Variants in GALNT15 observed in about 807,000 individuals in gnomAD.
The protein encoded by GALNT15 is polypeptide N-acetylgalactosaminyltransferase 15.
Under a neutral mutation model 66.8 loss-of-function variants are expected in GALNT15, and 67 were observed. The ratio of observed to expected loss-of-function variants is 1.00; its 90% CI spans 0.82 to 1.23. The LOEUF (loss-of-function observed/expected upper bound fraction) is 1.23. GALNT15 is among the 50% of genes most tolerant of loss of function. The pLI is 0.00. For synonymous variants in GALNT15, 313 were observed against 311.5 expected (o/e 1.00, Z -0.05); for missense variants, 827 against 804.3 (o/e 1.03, Z -0.34).
chr3:16,175,342 C>G lies in GALNT15; in HGVS notation c.191C>G (p.Ser64Cys). The G allele has an allele frequency of 5.6e-6, 9 of 1,614,152 alleles. No individual in the cohort carries two copies. The highest frequency in any genetic ancestry group is 7.6e-6 in the Non-Finnish European group (9 of 1,180,026). The change falls in exon 1 of 10, where the codon TCC becomes TGC. Residue 64 changes from serine to cysteine, a missense_variant. Physicochemically the swap from Ser to Cys is moderately radical, Grantham distance 112 (BLOSUM62 -1). Coordinates refer to ENST00000339732, the MANE Select transcript of GALNT15 (RefSeq NM_054110.5). The surrounding 1 kb of genome is among the most constrained non-coding windows in gnomAD (Gnocchi z 5.6). Reference sequence around the variant, plus strand: ...AGGTACCGCCTGGACTTTGGGGAATCCCAGGATTGGGTACTGGAAGCTGAG... The same window carrying G: ...AGGTACCGCCTGGACTTTGGGGAATGCCAGGATTGGGTACTGGAAGCTGAG... ...EARYRLDFGE[S>C]QDWVLEAEDE... is the part of the protein sequence containing the mutation.
At position 16,180,280 on chromosome 3, in the gene GALNT15, G is replaced by A. The variant is rs952290600; in HGVS notation, c.539+4590G>A. ...TAAGGCACACTCTTTATGCCGAACA[G>A]ACTGGCCAGAGCAGTGCTCCTCAAA... On this transcript the variant is annotated intron_variant, in intron 1 of 9. Coordinates refer to ENST00000339732, the MANE Select transcript of GALNT15 (RefSeq NM_054110.5). The surrounding 1 kb of genome is among the most constrained non-coding windows in gnomAD (Gnocchi z 5.0). 6.6e-6 allele frequency among the ~76,000 whole-genome samples: 1 copy of A among 152,240 alleles called. No homozygotes were observed. Among genetic ancestry groups the A allele is most frequent in the African/African-American group, 2.4e-5 (1 of 41,464 alleles).
intron 1 of GALNT15, among the ~76,000 whole-genome samples, chr3:16,190,995 C>T (rs1382482557): frequency 6.6e-6 from 1 of 152,222 alleles, no homozygotes; most frequent in Non-Finnish European, 1.5e-5. Flanking sequence ...AGACCTGCCT[C>T]CACAGCTTGG....
Position 16,208,512 on chromosome 3 carries a change from G to T in GALNT15, c.921G>T (p.Val307=), listed in dbSNP as rs774250982. The T allele has an allele frequency of 6.2e-7, 1 of 1,613,794 alleles. No homozygotes were observed. The highest frequency in any genetic ancestry group is 8.5e-7 in the Non-Finnish European group (1 of 1,179,846). ...LSRIAGDRSR[V]VSPVIDVIDW... is the part of the protein sequence containing the mutation. ...CCACAATTCTTTCCAGGAGCCGAGT[G>T]GTATCTCCGGTGATAGATGTGATTG... The change falls in exon 4 of 10, where the codon GTG becomes GTT. Residue 307 remains valine, a synonymous_variant. Coordinates refer to ENST00000339732, the MANE Select transcript of GALNT15 (RefSeq NM_054110.5).
chr3:16,189,221 G>T lies in GALNT15; in HGVS notation c.540-6539G>T, dbSNP rs2063550264. 6.6e-6 allele frequency among the ~76,000 whole-genome samples: 1 copy of T among 152,142 alleles called. No individual in the cohort carries two copies. The highest frequency in any genetic ancestry group is 2.1e-4 in the South Asian group (1 of 4,828). ...TCTAGGGAGATTAGGTCCAACAGGG[G>T]ATCTAGCTGAACTCCAATCACCCAC... On this transcript the variant is annotated intron_variant, in intron 1 of 9. Coordinates refer to ENST00000339732, the MANE Select transcript of GALNT15 (RefSeq NM_054110.5). The surrounding 1 kb of genome is among the most constrained non-coding windows in gnomAD (Gnocchi z 5.1).
At position 16,191,326 on chromosome 3, in the gene GALNT15, T is replaced by C. The variant is rs908740583; in HGVS notation, c.540-4434T>C. 1.0e-6 allele frequency: 1 copy of C among 985,244 alleles called. No individual in the cohort carries two copies. 61.0% of individuals were successfully genotyped at this position (985,244 alleles called of 1,614,324 possible). ...CTGGAAGAGCCTGAGAGGTACCTCT[T>C]GTAGTAATGGGACATCTGTTAATAA... On this transcript the variant is annotated intron_variant, in intron 1 of 9. Transcript: ENST00000339732. The surrounding 1 kb of genome is among the most constrained non-coding windows in gnomAD (Gnocchi z 5.2).
rs890149205 is a variant in GALNT15, at chr3:16,196,017, T to C, written c.706+91T>C. The stretch of plus-strand genomic sequence containing the variant: ...GCAAAAGATTGAAGTTTGGAACTAT[T>C]TTAGGCAAGATTCCCCAACTACAGA... On this transcript the variant is annotated intron_variant, in intron 2 of 9. Coordinates refer to ENST00000339732, the MANE Select transcript of GALNT15 (RefSeq NM_054110.5). 4.5e-6 allele frequency: 6 copies of C among 1,343,938 alleles called. No homozygotes were observed. The Admixed American group carries it at 1.2e-4, about 28-fold the overall frequency. 83.3% of individuals were successfully genotyped at this position (1,343,938 alleles called of 1,614,324 possible).
Position 16,195,766 on chromosome 3 carries a change from G to C in GALNT15, c.546G>C (p.Leu182=), listed in dbSNP as rs776638229. The C allele has an allele frequency of 9.9e-6, 16 of 1,611,564 alleles. No individual in the cohort carries two copies. The highest frequency in any genetic ancestry group is 1.3e-5 in the Non-Finnish European group (15 of 1,178,348). The change falls in exon 2 of 10, where the codon CTG becomes CTC. Residue 182 remains leucine (L), a synonymous_variant. Coordinates refer to ENST00000339732, the MANE Select transcript of GALNT15 (RefSeq NM_054110.5). This position sits in a 1 kb window ranked among gnomAD's most constrained non-coding sequence, Gnocchi z 4.6. The part of the protein sequence containing the change: ...ALPEVRHPLC[L]QQHPQDSLPT... ...CTGGCTCTCTTCCCTGCAGGTGTCT[G>C]CAGCAGCACCCTCAGGACAGCCTGC...
rs1164976010 is a variant in GALNT15, at chr3:16,203,543, T to TCACACACACA, written c.911+2757_911+2766dup. Among the ~76,000 whole-genome samples the TCACACACACA allele has an allele frequency of 1.3e-3, 77 of 61,154 alleles. No individual in the cohort carries two copies. Among genetic ancestry groups the TCACACACACA allele is most frequent in the African/African-American group, 3.1e-3 (57 of 18,310 alleles). 40.1% of individuals were successfully genotyped at this position (61,154 alleles called of 152,430 possible). A position where few individuals can be genotyped will look rare whatever the true frequency, so the allele number is the denominator to read the frequency against. ...CATTCTCTCTCTCTCTCTCTCTCTCTCACACACACACACACACACACACAC... is the reference window on the plus strand; with the variant it reads ...CATTCTCTCTCTCTCTCTCTCTCTCTCACACACACACACACACACACACACACACACACAC... On this transcript the variant is annotated intron_variant, in intron 3 of 9. Coordinates refer to ENST00000339732, the MANE Select transcript of GALNT15 (RefSeq NM_054110.5). This position sits in a 1 kb window ranked among gnomAD's most constrained non-coding sequence, Gnocchi z 6.2.
At chr3:16,201,142 T>G (rs1365917737) in intron 3 of GALNT15, among the ~76,000 whole-genome samples, 2 of 151,986 alleles carry the variant, frequency 1.3e-5, no homozygotes, top group Non-Finnish European at 2.9e-5. Flanking sequence ...TATCATTGCC[T>G]TTGGTGAAAA....
At chr3:16,230,301 C>T (rs2064069870), downstream of GALNT15, among the ~76,000 whole-genome samples, 1 of 152,164 alleles carries the variant, frequency 6.6e-6, no homozygotes, top group Non-Finnish European at 1.5e-5. The surrounding 1 kb of genome is among the most constrained non-coding windows in gnomAD (Gnocchi z 4.5). Flanking sequence ...AGTGCCTGAC[C>T]TGTTTCCTCT....
chr3:16,232,897 A>T (rs923903267), downstream of GALNT15, among the ~76,000 whole-genome samples: 3 of 151,732 alleles, frequency 2.0e-5, no homozygotes, highest in Non-Finnish European at 2.9e-5. Context: ...CTCCTAGGCA[A>T]TGCTGATGCT....
chr3:16,246,544 G>C, the GALNT15 span, among the ~76,000 whole-genome samples: 1 of 151,928 alleles, frequency 6.6e-6, no homozygotes, highest in Non-Finnish European at 1.5e-5. Context: ...GGATGGTCTC[G>C]ATCTCTTGAC....
At chr3:16,238,577 A>T in the GALNT15 span, among the ~76,000 whole-genome samples, 1 of 152,116 alleles carries the variant, frequency 6.6e-6, no homozygotes, top group African/African-American at 2.4e-5. This position sits in a 1 kb window ranked among gnomAD's most constrained non-coding sequence, Gnocchi z 4.8. Context: ...TCCGTTTTAT[A>T]TTATCTCATT....
the GALNT15 span, among the ~76,000 whole-genome samples, chr3:16,238,905 T>C: frequency 6.6e-6 from 1 of 152,210 alleles, no homozygotes. The surrounding 1 kb of genome is among the most constrained non-coding windows in gnomAD (Gnocchi z 4.8). Flanking sequence ...ACTTTAGTCA[T>C]CTCACATGCC....
Position 16,229,394 on chromosome 3 carries a change from A to G in GALNT15, c.*1894A>G. 1.2e-6 allele frequency: 1 copy of G among 833,416 alleles called. No homozygotes were observed. Among genetic ancestry groups the G allele is most frequent in the Non-Finnish European group, 1.4e-6 (1 of 691,508 alleles). The allele number at this position is 833,416 out of a possible 1,614,324, so 51.6% of individuals were successfully genotyped here. A position where few individuals can be genotyped will look rare whatever the true frequency, so the allele number is the denominator to read the frequency against. ...GCCACATTTCAAATGCTCACTACCC[A>G]CCTGTGGCTAGGGTCTACTTCTACT... is the stretch of plus-strand genomic sequence containing the variant. On this transcript the variant is annotated 3_prime_UTR_variant, in exon 10 of 10. Coordinates refer to ENST00000339732, the MANE Select transcript of GALNT15 (RefSeq NM_054110.5).
chr3:16,228,510 G>T lies in GALNT15; in HGVS notation c.*1010G>T, dbSNP rs562555598. Reference sequence around the variant, plus strand: ...ACAAAAATTAGCTGGGCATGGTGGCGCATACCTGTAATCCCAGCTACTTGG... The same window carrying T: ...ACAAAAATTAGCTGGGCATGGTGGCTCATACCTGTAATCCCAGCTACTTGG... On this transcript the variant is annotated 3_prime_UTR_variant, in exon 10 of 10. Coordinates refer to ENST00000339732, the MANE Select transcript of GALNT15 (RefSeq NM_054110.5). 7 of 545,196 alleles carry T rather than the reference G, an allele frequency of 1.3e-5. No individual in the cohort carries two copies. The highest frequency in any genetic ancestry group is 1.6e-5 in the Non-Finnish European group (7 of 428,184). 33.8% of individuals were successfully genotyped at this position (545,196 alleles called of 1,614,324 possible).
intron 3 of GALNT15, among the ~76,000 whole-genome samples, chr3:16,201,282 C>T (rs1245998294): frequency 1.3e-5 from 2 of 152,136 alleles, no homozygotes; most frequent in South Asian, 2.1e-4. Flanking sequence ...CCCGGGTTCA[C>T]GCCATTCTCC....
rs753068969 is a variant in GALNT15 at position 16,200,571 on chromosome 3, C to T, written c.707-48C>T. 25 of 1,380,210 alleles carry T rather than the reference C, an allele frequency of 1.8e-5. No individual in the cohort carries two copies. Among genetic ancestry groups the T allele is most frequent in the South Asian group, 1.4e-4 (9 of 66,158 alleles). The allele number at this position is 1,380,210 out of a possible 1,614,324, so 85.5% of individuals were successfully genotyped here. A position where few individuals can be genotyped will look rare whatever the true frequency, so the allele number is the denominator to read the frequency against. On this transcript the variant is annotated intron_variant, in intron 2 of 9. Coordinates refer to ENST00000339732, the MANE Select transcript of GALNT15 (RefSeq NM_054110.5). The surrounding 1 kb of genome is among the most constrained non-coding windows in gnomAD (Gnocchi z 4.4). The stretch of plus-strand genomic sequence containing the variant: ...ACGATTGTCTTAGTCACAATCTCAT[C>T]GGTTGTGGCATTTGTCATTCCACTG...
At position 16,219,083 on chromosome 3, in the gene GALNT15, T is replaced by C. The variant is rs557721592; in HGVS notation, c.1393-320T>C. 1.3e-5 allele frequency among the ~76,000 whole-genome samples: 2 copies of C among 152,318 alleles called. No individual in the cohort carries two copies. The highest frequency in any genetic ancestry group is 3.9e-4 in the East Asian group (2 of 5,182). On this transcript the variant is annotated intron_variant, in intron 6 of 9. Transcript: ENST00000339732. This position sits in a 1 kb window ranked among gnomAD's most constrained non-coding sequence, Gnocchi z 4.3. ...CACCAGCCTCGGCCTCCCAAAGTGC[T>C]GGAGGTGTGAGCCACCACTCCCGGC...
Sources: gnomAD v4.1 joint callset for allele counts (sites outside exome capture counted in the v4.1 genomes callset) on GRCh38, gnomAD v4.1.1 for gene constraint, Gnocchi (gnomAD v3.1) non-coding constraint, MANE v1.5 for transcripts, NCBI Gene and HGNC (gene_info 2026-07-23, HGNC 2026-07-21) for gene names.